DENND5A: variants seen among roughly 807,000 people sequenced by gnomAD.
DENND5A encodes the protein DENN domain containing 5A.
DENND5A carries 64 observed loss-of-function variants against 140.3 expected under a neutral mutation model. The observed-to-expected ratio is 0.46, with a 90% CI of 0.37 to 0.56. The LOEUF is 0.56. Among genes scored for constraint, DENND5A ranks in the 20% least tolerant of loss-of-function variants. The pLI is 0.00. For synonymous variants in DENND5A, 605 were observed against 607.7 expected (o/e 1.00, Z 0.07); for missense variants, 1,292 against 1,593.8 (o/e 0.81, Z 3.22).
At chr11:9,207,235 G>T in intron 2 of DENND5A, 1 of 485,984 alleles carries the variant, frequency 2.1e-6, no homozygotes, top group Admixed American at 3.3e-5. Flanking sequence ...GAAATGAAAA[G>T]ATGTAAGAAC....
intron 1 of DENND5A, among the ~76,000 whole-genome samples, chr11:9,236,358 C>G (rs1399791460): frequency 1.3e-5 from 2 of 151,892 alleles, no homozygotes; most frequent in East Asian, 3.9e-4. Context: ...ATGGCGAAAC[C>G]CTGTCTCTAC....
intron 8 of DENND5A, among the ~76,000 whole-genome samples, chr11:9,175,893 TGTGACCTTGGTAGGGCAAAA>T (rs1181507485): frequency 1.3e-5 from 2 of 152,222 alleles, no homozygotes; most frequent in Non-Finnish European, 2.9e-5. Context: ...AAAATCTCTA[TGTGACCTTGGTAGGGCAAAA>T]GTGTCTTAGA....
intron 4 of DENND5A, chr11:9,203,426 A>C: frequency 2.1e-6 from 1 of 466,712 alleles, no homozygotes; most frequent in South Asian, 2.6e-5. Context: ...GGACATAGGA[A>C]GCAATGTTCC....
chr11:9,167,668 T>C (rs2136152469), intron 10 of DENND5A, among the ~76,000 whole-genome samples: 1 of 152,022 alleles, frequency 6.6e-6, no homozygotes, highest in South Asian at 2.1e-4. Context: ...CCAGGAATGG[T>C]GGCGTGTGCC....
chr11:9,204,420 A>T, intron 3 of DENND5A, 103 bp from the exon 4 acceptor site: 5 of 1,125,004 alleles, frequency 4.4e-6, no homozygotes, highest in Non-Finnish European at 6.2e-6. Flanking sequence ...TACTAAGCTG[A>T]GCGTGTATCT....
At chr11:9,205,932 A>G (rs1441203178) in intron 3 of DENND5A, among the ~76,000 whole-genome samples, 1 of 152,160 alleles carries the variant, frequency 6.6e-6, no homozygotes, top group Non-Finnish European at 1.5e-5. Context: ...GTACAAAGAT[A>G]AGGTTAAGAG....
At chr11:9,143,325 T>C (rs1161246479) in intron 20 of DENND5A, 78 bp downstream of exon 20, 2 of 1,278,620 alleles carry the variant, frequency 1.6e-6, no homozygotes, top group Non-Finnish European at 2.3e-6. Context: ...TGGAAGAGCA[T>C]AACAAGATAA....
At chr11:9,164,008 GT>G (rs1188946041) in intron 11 of DENND5A, among the ~76,000 whole-genome samples, 1 of 130,992 alleles carries the variant, frequency 7.6e-6, no homozygotes, top group Non-Finnish European at 1.6e-5. Flanking sequence ...CCTGGCCAGA[GT>G]TTTTTTTAAC....
chr11:9,147,585 TAGA>T (rs1847475164), intron 15 of DENND5A, among the ~76,000 whole-genome samples: 2 of 152,126 alleles, frequency 1.3e-5, no homozygotes, highest in South Asian at 4.2e-4. Context: ...GAACCCTGAG[TAGA>T]TCTGAGAGCC....
At chr11:9,240,725 A>T (rs565667734) in intron 1 of DENND5A, among the ~76,000 whole-genome samples, 3 of 150,210 alleles carry the variant, frequency 2.0e-5, no homozygotes, top group Non-Finnish European at 4.5e-5. Flanking sequence ...AAAAAAAAAG[A>T]ACTGAAGAAC....
At chr11:9,216,280 G>C (rs1364974040) in intron 1 of DENND5A, among the ~76,000 whole-genome samples, 1 of 152,208 alleles carries the variant, frequency 6.6e-6, no homozygotes, top group Admixed American at 6.5e-5. Context: ...ATTGGGCCTA[G>C]AGCCTGATAC....
Position 9,207,626 on chromosome 11 carries a change from C to CATAATGCTAT in DENND5A, c.110-4_115dup (p.Cys39TyrfsTer11). The CATAATGCTAT allele has an allele frequency of 6.2e-7, 1 of 1,607,778 alleles. No homozygotes were observed. On this transcript the variant is annotated frameshift_variant, in exon 2 of 23. Transcript: ENST00000328194. LOFTEE classifies it high-confidence loss of function. ...GGCTTTAGAAGCCTGTATGTACTGG[C>CATAATGCTAT]ATAATGCTATATGATAAATGAAATA...
intron 12 of DENND5A, among the ~76,000 whole-genome samples, chr11:9,152,701 G>A (rs1847660577): frequency 6.6e-6 from 1 of 152,078 alleles, no homozygotes; most frequent in Non-Finnish European, 1.5e-5. Context: ...TAAGGGACCA[G>A]TGGATAAGAA....
At chr11:9,151,887 A>G (rs935554828) in intron 13 of DENND5A, among the ~76,000 whole-genome samples, 1 of 152,204 alleles carries the variant, frequency 6.6e-6, no homozygotes. Context: ...AAACTCTGAC[A>G]TTTTTATTAG....
intron 19 of DENND5A, 60 bp from the exon 20 acceptor site, chr11:9,143,545 C>G: frequency 7.1e-7 from 1 of 1,413,792 alleles, no homozygotes; most frequent in Non-Finnish European, 1.0e-6. Context: ...GCTTAGCTGC[C>G]TGAGCAGGAG....
At chr11:9,208,529 A>G (rs1159478659) in intron 1 of DENND5A, among the ~76,000 whole-genome samples, 5 of 152,250 alleles carry the variant, frequency 3.3e-5, no homozygotes, top group Admixed American at 2.0e-4. Context: ...AGAAAAGTTT[A>G]TAATAACTCT....
Position 9,178,842 on chromosome 11 carries a change from G to A in DENND5A, c.1671+16C>T, listed in dbSNP as rs191213414. The stretch of plus-strand genomic sequence containing the variant: ...GTTCTCATTCCTCACCACCTCCCAA[G>A]CAGGATTACACTCACTTTATCAAAG... On this transcript the variant is annotated intron_variant, in intron 7 of 22. Coordinates refer to ENST00000328194, the MANE Select transcript of DENND5A (RefSeq NM_015213.4). 1.7e-4 allele frequency: 276 copies of A among 1,603,496 alleles called. No individual in the cohort carries two copies. In the African/African-American group the frequency reaches 3.3e-3, roughly 19 times the overall value.
At chr11:9,165,701 T>C in intron 11 of DENND5A, 135 bp downstream of exon 11, 1 of 1,076,848 alleles carries the variant, frequency 9.3e-7, no homozygotes. Context: ...CCCAAAGTGT[T>C]GGGATTACAG....
intron 12 of DENND5A, among the ~76,000 whole-genome samples, chr11:9,156,298 A>G (rs1258071412): frequency 6.6e-6 from 1 of 152,128 alleles, no homozygotes; most frequent in African/African-American, 2.4e-5. Context: ...CAGAGCTCCA[A>G]AAGCCAGGAC....
Sources: allele counts gnomAD v4.1 joint callset (sites outside exome capture counted in the v4.1 genomes callset), GRCh38; gene constraint gnomAD v4.1.1; transcripts MANE v1.5; gene names NCBI Gene and HGNC (gene_info 2026-07-23, HGNC 2026-07-21).